The following SOCS7 variants were observed in gnomAD, a reference collection of about 807,000 sequenced individuals.
SOCS7 encodes the protein suppressor of cytokine signaling 7, also known as NAP-4.
SOCS7 carries 18 observed loss-of-function variants against 58.9 expected under a neutral mutation model. That is an observed-to-expected ratio of 0.31 (90% confidence interval 0.21 to 0.45). The LOEUF (loss-of-function observed/expected upper bound fraction) is 0.45. Ranked by LOEUF, SOCS7 falls within the 20% of genes least tolerant of loss-of-function variation. The probability of loss-of-function intolerance (pLI) is 1.00; values close to 1 mark genes in which losing one functional copy is unlikely to be tolerated. For missense variants in SOCS7, 667 were observed against 837.3 expected (o/e 0.80, Z 2.51); for synonymous variants, 388 against 364.3 (o/e 1.06, Z -0.74).
At chr17:38,375,733 T>TA (rs1361153563) in intron 6 of SOCS7, 1 of 152,148 alleles carries the variant, frequency 6.6e-6, no homozygotes, top group Non-Finnish European at 1.5e-5. Context: ...AGGGTCAGTT[T>TA]ATGTATGTAA....
chr17:38,370,835 G>T (rs1597694018), intron 6 of SOCS7, among the ~76,000 whole-genome samples: 1 of 151,838 alleles, frequency 6.6e-6, no homozygotes, highest in Non-Finnish European at 1.5e-5. Flanking sequence ...ATTTTTAGTA[G>T]AGACGGGGTT....
chr17:38,387,123 A>ATGTGTATG (rs1414262368), intron 7 of SOCS7, among the ~76,000 whole-genome samples: 4 of 105,700 alleles, frequency 3.8e-5, no homozygotes, highest in African/African-American at 1.9e-4. Context: ...ATATATATAT[A>ATGTGTATG]TATATGTATG....
At chr17:38,364,667 C>T (rs1597688446) in intron 2 of SOCS7, 85 bp from the exon 3 acceptor site, 2 of 1,113,802 alleles carry the variant, frequency 1.8e-6, no homozygotes, top group Non-Finnish European at 2.7e-6. Flanking sequence ...CCAGCCTCGC[C>T]TGCTTGCCCT....
At chr17:38,361,246 T>A (rs2037715529) in intron 1 of SOCS7, among the ~76,000 whole-genome samples, 1 of 152,274 alleles carries the variant, frequency 6.6e-6, no homozygotes, top group South Asian at 2.1e-4. Context: ...CCTGCAGTGC[T>A]ATTCTCAGGT....
chr17:38,352,417 C>T lies in SOCS7; in HGVS notation c.365C>T (p.Ala122Val), dbSNP rs1225900109. 1.3e-5 allele frequency: 19 copies of T among 1,448,542 alleles called. No homozygotes were observed. The highest frequency in any genetic ancestry group is 1.6e-5 in the Non-Finnish European group (18 of 1,107,220). 89.7% of individuals were successfully genotyped at this position (1,448,542 alleles called of 1,614,324 possible). A position where few individuals can be genotyped will look rare whatever the true frequency, so the allele number is the denominator to read the frequency against. Residue 122 changes from alanine (A) to valine (V), a missense_variant, in exon 1 of 10, where the codon GCG (alanine) becomes GTG (valine). This residue lies in a region of SOCS7 where 154 missense variants were observed against 156.3 expected (regional missense o/e 0.98). Coordinates refer to ENST00000612932, the MANE Select transcript of SOCS7 (RefSeq NM_014598.4). This position sits in a 1 kb window ranked among gnomAD's most constrained non-coding sequence, Gnocchi z 5.5. ...RTWGPAAGLEAQLAALGLGQP... is the reference protein window; with the variant it reads ...RTWGPAAGLEVQLAALGLGQP... Reference sequence around the variant, plus strand: ...TGGGGCCCGGCGGCTGGACTAGAGGCGCAGTTGGCGGCTCTGGGGCTCGGG... The same window carrying T: ...TGGGGCCCGGCGGCTGGACTAGAGGTGCAGTTGGCGGCTCTGGGGCTCGGG...
At chr17:38,359,282 C>G (rs1324567053) in intron 1 of SOCS7, among the ~76,000 whole-genome samples, 1 of 152,150 alleles carries the variant, frequency 6.6e-6, no homozygotes, top group Non-Finnish European at 1.5e-5. Context: ...AACTGTGTGG[C>G]CATATCTTAT....
rs1031734483 is a variant in SOCS7 at position 38,402,087 on chromosome 17, C to G, written c.*2605C>G. On this transcript the variant is annotated 3_prime_UTR_variant, in exon 10 of 10. Transcript: ENST00000612932. Reference sequence around the variant, plus strand: ...ACTGAGGAGGTGTGACCCAACCTCACCACCCACCTTTCTCCTCCTGGGGAG... The same window carrying G: ...ACTGAGGAGGTGTGACCCAACCTCAGCACCCACCTTTCTCCTCCTGGGGAG... 1.3e-5 allele frequency: 2 copies of G among 152,418 alleles called. No homozygotes were observed. The highest frequency in any genetic ancestry group is 2.9e-5 in the Non-Finnish European group (2 of 68,190). 9.4% of individuals were successfully genotyped at this position (152,418 alleles called of 1,614,324 possible).
At chr17:38,391,709 C>T (rs569108709) in intron 7 of SOCS7, among the ~76,000 whole-genome samples, 4 of 152,292 alleles carry the variant, frequency 2.6e-5, no homozygotes, top group Non-Finnish European at 4.4e-5. Flanking sequence ...CCTTCTTTTA[C>T]TTTTGACCTT....
intron 7 of SOCS7, among the ~76,000 whole-genome samples, chr17:38,392,588 G>A (rs2038185735): frequency 6.6e-6 from 1 of 152,178 alleles, no homozygotes; most frequent in African/African-American, 2.4e-5. Context: ...AGAAATTCAC[G>A]TGTGAGTTCT....
At chr17:38,389,900 C>CATATATATGT (rs1263290062) in intron 7 of SOCS7, among the ~76,000 whole-genome samples, 38 of 20,196 alleles carry the variant, frequency 1.9e-3, no homozygotes, top group African/African-American at 5.9e-3. Flanking sequence ...TATATATATA[C>CATATATATGT]ACATATAGAG....
At chr17:38,370,361 A>G (rs560964714) in intron 6 of SOCS7, among the ~76,000 whole-genome samples, 1 of 151,720 alleles carries the variant, frequency 6.6e-6, no homozygotes, top group Non-Finnish European at 1.5e-5. Flanking sequence ...TTTTTTTGAG[A>G]CGGGGTCTCA....
chr17:38,376,824 A>C (rs1260127863), intron 6 of SOCS7, among the ~76,000 whole-genome samples: 4 of 152,220 alleles, frequency 2.6e-5, no homozygotes, highest in South Asian at 2.1e-4. Flanking sequence ...CTGTTTAGCA[A>C]CATTTTGGTC....
rs1366883875 is a variant in SOCS7 at position 38,403,277 on chromosome 17, C to T, written c.*3795C>T. On this transcript the variant is annotated 3_prime_UTR_variant, in exon 10 of 10. Transcript: ENST00000612932. Reference sequence around the variant, plus strand: ...TGGTGTGGAGATAGCTGCAGACACCCCTGTAACAGACATCCAGGAAGAATT... The same window carrying T: ...TGGTGTGGAGATAGCTGCAGACACCTCTGTAACAGACATCCAGGAAGAATT... 1 of 152,182 alleles carries T rather than the reference C, an allele frequency of 6.6e-6. No homozygotes were observed. Among genetic ancestry groups the T allele is most frequent in the African/African-American group, 2.4e-5 (1 of 41,408 alleles). 9.4% of individuals were successfully genotyped at this position (152,182 alleles called of 1,614,324 possible). A position where few individuals can be genotyped will look rare whatever the true frequency, so the allele number is the denominator to read the frequency against.
intron 7 of SOCS7, among the ~76,000 whole-genome samples, chr17:38,388,030 C>G: frequency 6.6e-6 from 1 of 151,916 alleles, no homozygotes. Context: ...CATTGGCCTC[C>G]CAAAGTGCTA....
At chr17:38,392,792 G>A (rs2038187927) in intron 7 of SOCS7, among the ~76,000 whole-genome samples, 1 of 152,134 alleles carries the variant, frequency 6.6e-6, no homozygotes, top group Non-Finnish European at 1.5e-5. Flanking sequence ...GCACTCTAGA[G>A]ACCCTCCTGG....
chr17:38,360,385 G>A (rs1597684762), intron 1 of SOCS7, among the ~76,000 whole-genome samples: 2 of 151,504 alleles, frequency 1.3e-5, no homozygotes, highest in Non-Finnish European at 2.9e-5. Context: ...TAGAGATGGA[G>A]TTTCACCATG....
At chr17:38,398,168 T>C (rs1248107202) in intron 9 of SOCS7, among the ~76,000 whole-genome samples, 1 of 151,796 alleles carries the variant, frequency 6.6e-6, no homozygotes, top group African/African-American at 2.4e-5. Context: ...GTAAGCGTAA[T>C]GCTGAACTTG....
chr17:38,364,879 C>T, intron 3 of SOCS7, 23 bp downstream of exon 3: 1 of 1,535,992 alleles, frequency 6.5e-7, no homozygotes, highest in Non-Finnish European at 9.0e-7. Context: ...CCCCTCTCCA[C>T]CTTCTTGCCT....
intron 8 of SOCS7, 63 bp downstream of exon 8, chr17:38,395,507 G>T: frequency 1.3e-6 from 2 of 1,524,278 alleles, no homozygotes; most frequent in Middle Eastern, 1.7e-4. Context: ...AGGTAACAAT[G>T]TCAGTGAGGC....
Sources: allele counts gnomAD v4.1 joint callset (sites outside exome capture counted in the v4.1 genomes callset), GRCh38; gene constraint gnomAD v4.1.1; regional missense constraint gnomAD v4.1.1; non-coding constraint Gnocchi (gnomAD v3.1); transcripts MANE v1.5; gene names NCBI Gene and HGNC (gene_info 2026-07-23, HGNC 2026-07-21).